The following WHR1 variants were observed in gnomAD, a reference collection of about 807,000 sequenced individuals.
WHR1 encodes winged helix repair factor 1.
At chr6:31,980,214 G>A in the WHR1 span, 1 of 510,644 alleles carries the variant, frequency 2.0e-6, no homozygotes, top group Non-Finnish European at 3.5e-6. Context: ...AGTAATAGTA[G>A]CAGGAAAAGA....
At chr6:31,974,279 C>CAAAAAAAAA in the WHR1 span, among the ~76,000 whole-genome samples, 1 of 118,572 alleles carries the variant, frequency 8.4e-6, no homozygotes. Context: ...GACTTTGTCT[C>CAAAAAAAAA]AAAAAAAAAA....
chr6:31,976,660 G>A, the WHR1 span, among the ~76,000 whole-genome samples: 2 of 152,230 alleles, frequency 1.3e-5, no homozygotes, highest in Non-Finnish European at 2.9e-5. Flanking sequence ...GGCAGAGGCT[G>A]CACTCTGGGC....
chr6:31,979,110 C>T, the WHR1 span: 2 of 1,108,940 alleles, frequency 1.8e-6, no homozygotes, highest in East Asian at 2.5e-5. Flanking sequence ...GCCCCCACAT[C>T]CCATGGAGAG....
chr6:31,978,893 G>A, the WHR1 span: 1 of 1,612,444 alleles, frequency 6.2e-7, no homozygotes, highest in Non-Finnish European at 8.5e-7. Flanking sequence ...TCTCTTCTCT[G>A]TGGAGACAGA....
At chr6:31,978,430 C>T in the WHR1 span, among the ~76,000 whole-genome samples, 2 of 152,208 alleles carry the variant, frequency 1.3e-5, no homozygotes, top group South Asian at 4.1e-4. Context: ...AGCCACTGTA[C>T]CTGGTCTTAA....
At chr6:31,972,591 C>G in the WHR1 span, 16 of 1,599,144 alleles carry the variant, frequency 1.0e-5, no homozygotes, top group Non-Finnish European at 1.4e-5. The surrounding 1 kb of genome is among the most constrained non-coding windows in gnomAD (Gnocchi z 6.3). Flanking sequence ...CGCCCCAGTT[C>G]CCTGTCCGTG....
the WHR1 span, chr6:31,973,011 G>T: frequency 1.4e-6 from 1 of 711,554 alleles, no homozygotes. Context: ...ACAGCGCTGG[G>T]AGTGCAGTCA....
the WHR1 span, chr6:31,972,738 C>T: frequency 6.2e-7 from 1 of 1,612,860 alleles, no homozygotes; most frequent in Non-Finnish European, 8.5e-7. This position sits in a 1 kb window ranked among gnomAD's most constrained non-coding sequence, Gnocchi z 6.3. Flanking sequence ...CCTGACAGGA[C>T]CGTGGCCGAC....
At chr6:31,971,614 T>C in the WHR1 span, 1 of 1,612,994 alleles carries the variant, frequency 6.2e-7, no homozygotes, top group Middle Eastern at 1.7e-4. The surrounding 1 kb of genome is among the most constrained non-coding windows in gnomAD (Gnocchi z 4.5). Flanking sequence ...ACGAGGTAGT[T>C]TGTTCCGAGG....
chr6:31,971,736 A>C, the WHR1 span: 1 of 1,516,742 alleles, frequency 6.6e-7, no homozygotes, highest in Non-Finnish European at 8.8e-7. This position sits in a 1 kb window ranked among gnomAD's most constrained non-coding sequence, Gnocchi z 4.5. Flanking sequence ...CTGGAGAAGG[A>C]TGACTGGTTT....
chr6:31,974,737 A>G, the WHR1 span, among the ~76,000 whole-genome samples: 28,748 of 152,162 alleles, frequency 0.19, 3,518 homozygotes, highest in African/African-American at 0.34. Context: ...CAGGCTGGGT[A>G]ACAGAGGGAG....
At chr6:31,972,753 A>G in the WHR1 span, 1 of 1,612,028 alleles carries the variant, frequency 6.2e-7, no homozygotes, top group African/African-American at 1.3e-5. This position sits in a 1 kb window ranked among gnomAD's most constrained non-coding sequence, Gnocchi z 6.3. Flanking sequence ...GCCGACCGGC[A>G]GCTGGTGAGG....
At chr6:31,973,387 A>T in the WHR1 span, 1 of 194,494 alleles carries the variant, frequency 5.1e-6, no homozygotes, top group Non-Finnish European at 1.1e-5. Flanking sequence ...GGTATTAGAC[A>T]GTTGGATATG....
chr6:31,972,049 G>C, the WHR1 span: 3 of 1,612,434 alleles, frequency 1.9e-6, no homozygotes, highest in Non-Finnish European at 2.5e-6. This position sits in a 1 kb window ranked among gnomAD's most constrained non-coding sequence, Gnocchi z 6.3. Flanking sequence ...CGACAGTGGC[G>C]GGCAAACCCC....
the WHR1 span, chr6:31,980,425 C>T: frequency 8.9e-4 from 1,420 of 1,597,726 alleles, no homozygotes; most frequent in Middle Eastern, 6.0e-3. Flanking sequence ...CAGCCCTCAT[C>T]TCTGCTGGCT....
chr6:31,975,981 G>A, the WHR1 span, among the ~76,000 whole-genome samples: 7 of 150,456 alleles, frequency 4.7e-5, no homozygotes, highest in East Asian at 1.4e-3. Context: ...CAGTAGGGGC[G>A]GCCGGGCAGA....
chr6:31,979,336 G>C, the WHR1 span: 31 of 1,583,922 alleles, frequency 2.0e-5, no homozygotes, highest in Middle Eastern at 7.3e-4. Context: ...AAGACAGGAA[G>C]AGAAATGCTG....
At chr6:31,980,401 T>A in the WHR1 span, 1 of 1,502,668 alleles carries the variant, frequency 6.7e-7, no homozygotes. Flanking sequence ...GGAGGAGAGA[T>A]GGTTCTCAGA....
the WHR1 span, chr6:31,972,426 G>A: frequency 2.2e-5 from 36 of 1,613,070 alleles, no homozygotes; most frequent in Non-Finnish European, 3.1e-5. This position sits in a 1 kb window ranked among gnomAD's most constrained non-coding sequence, Gnocchi z 6.3. Flanking sequence ...GCTGGAAGAG[G>A]CATCACCTGA....
Sources: allele counts gnomAD v4.1 joint callset (sites outside exome capture counted in the v4.1 genomes callset), GRCh38; gene constraint gnomAD v4.1.1; non-coding constraint Gnocchi (gnomAD v3.1); transcripts MANE v1.5; gene names NCBI Gene and HGNC (gene_info 2026-07-23, HGNC 2026-07-21).